Variants in CACNA1B observed in about 807,000 individuals in gnomAD.
The protein encoded by CACNA1B is voltage-dependent N-type calcium channel subunit alpha-1B.
A neutral mutation model predicts 247.2 loss-of-function variants in CACNA1B; 70 were observed. The ratio of observed to expected loss-of-function variants is 0.28; its 90% CI spans 0.23 to 0.35. The LOEUF (loss-of-function observed/expected upper bound fraction) is 0.35. Ranked by LOEUF, CACNA1B falls within the 10% of genes least tolerant of loss-of-function variation. CACNA1B has a pLI of 1.00. For synonymous variants in CACNA1B, 1,231 were observed against 1,294.4 expected, an observed-to-expected ratio of 0.95 and a Z score of 1.05; for missense variants, 2,367 against 3,197.4, an observed-to-expected ratio of 0.74 and a Z score of 6.26.
At chr9:137,960,528 C>CGG (rs2133351068) in intron 10 of CACNA1B, among the ~76,000 whole-genome samples, 1 of 132,588 alleles carries the variant, frequency 7.5e-6, no homozygotes, top group Non-Finnish European at 1.6e-5. Context: ...TGAGGGATGC[C>CGG]CAGGGGAGAG....
intron 36 of CACNA1B, among the ~76,000 whole-genome samples, chr9:138,085,667 C>T (rs558022256): frequency 2.0e-5 from 3 of 151,284 alleles, no homozygotes; most frequent in African/African-American, 7.3e-5. Context: ...ACAGAATCCC[C>T]CGTTAGACTG....
intron 20 of CACNA1B, among the ~76,000 whole-genome samples, chr9:138,030,815 C>T (rs1177479570): frequency 1.3e-5 from 2 of 152,078 alleles, no homozygotes; most frequent in Non-Finnish European, 2.9e-5. Flanking sequence ...GAATTAGTCC[C>T]TTTTATTTAA....
chr9:137,982,971 C>T (rs1958311655), intron 12 of CACNA1B, among the ~76,000 whole-genome samples: 1 of 152,192 alleles, frequency 6.6e-6, no homozygotes, highest in Admixed American at 6.5e-5. Context: ...AAATGGTGCA[C>T]AGCCATTCCC....
chr9:138,078,461 C>T (rs1373978585), intron 36 of CACNA1B, among the ~76,000 whole-genome samples: 3 of 152,248 alleles, frequency 2.0e-5, no homozygotes, highest in African/African-American at 7.2e-5. Context: ...CCTGTGGGCC[C>T]TTCCTTGACA....
Position 138,102,691 on chromosome 9 carries a change from T to C in CACNA1B, c.5223-20T>C. On this transcript the variant is annotated intron_variant, in intron 37 of 46. Transcript: ENST00000371372. This position sits in a 1 kb window ranked among gnomAD's most constrained non-coding sequence, Gnocchi z 5.4. Reference sequence around the variant, plus strand: ...TGGACCACCCCACTGTGCCCTGGCCTCGCTGGGACGGGTTTCCAGTGGGCG... The same window carrying C: ...TGGACCACCCCACTGTGCCCTGGCCCCGCTGGGACGGGTTTCCAGTGGGCG... 1 of 1,496,498 alleles carries C rather than the reference T, an allele frequency of 6.7e-7. No homozygotes were observed. The highest frequency in any genetic ancestry group is 1.4e-5 in the African/African-American group (1 of 71,466). 92.7% of individuals were successfully genotyped at this position (1,496,498 alleles called of 1,614,324 possible).
intron 8 of CACNA1B, 93 bp from the exon 9 acceptor site, chr9:137,956,678 G>C: frequency 1.1e-6 from 1 of 900,062 alleles, no homozygotes; most frequent in Non-Finnish European, 1.7e-6. Flanking sequence ...AAAGAGCTGA[G>C]AAGGCAGGGC....
At chr9:138,093,640 C>T (rs1960955738) in intron 36 of CACNA1B, among the ~76,000 whole-genome samples, 1 of 151,614 alleles carries the variant, frequency 6.6e-6, no homozygotes, top group Non-Finnish European at 1.5e-5. Flanking sequence ...ACTCAGGAGG[C>T]TAAGGCAGAG....
chr9:138,102,627 G>T lies in CACNA1B; in HGVS notation c.5223-84G>T. On this transcript the variant is annotated intron_variant, in intron 37 of 46. Transcript: ENST00000371372. The surrounding 1 kb of genome is among the most constrained non-coding windows in gnomAD (Gnocchi z 5.4). ...TCTGCTTCCTCCCTGCCCCTACCCC[G>T]CTCCCCTCCCCGCTCCCCTCCTGCT... The T allele has an allele frequency of 5.1e-6, 2 of 391,296 alleles. No individual in the cohort carries two copies. The highest frequency in any genetic ancestry group is 5.0e-6 in the Non-Finnish European group (1 of 199,816). 24.2% of individuals were successfully genotyped at this position (391,296 alleles called of 1,614,324 possible). A position where few individuals can be genotyped will look rare whatever the true frequency, so the allele number is the denominator to read the frequency against.
At chr9:137,916,873 G>A (rs913756880) in intron 5 of CACNA1B, among the ~76,000 whole-genome samples, 3 of 141,184 alleles carry the variant, frequency 2.1e-5, no homozygotes, top group Non-Finnish European at 3.2e-5. Context: ...AACGATCAGC[G>A]TGGCGGTTTG....
At chr9:138,028,102 C>T (rs1051227934) in intron 20 of CACNA1B, among the ~76,000 whole-genome samples, 8 of 137,048 alleles carry the variant, frequency 5.8e-5, no homozygotes, top group African/African-American at 1.1e-4. Context: ...GGCACGGTCT[C>T]GGCTCTGCCT....
At chr9:137,964,967 G>A (rs576223603) in intron 10 of CACNA1B, among the ~76,000 whole-genome samples, 7 of 152,324 alleles carry the variant, frequency 4.6e-5, no homozygotes, top group Admixed American at 2.0e-4. Flanking sequence ...GCAGTTTTCT[G>A]TGGGTCCACT....
intron 32 of CACNA1B, among the ~76,000 whole-genome samples, chr9:138,071,511 G>C (rs1432878518): frequency 6.6e-6 from 1 of 152,176 alleles, no homozygotes; most frequent in Admixed American, 6.5e-5. Flanking sequence ...GAACATCTGT[G>C]GCTGCCGTCA....
chr9:138,089,951 A>G (rs1960823090), intron 36 of CACNA1B, among the ~76,000 whole-genome samples: 1 of 152,228 alleles, frequency 6.6e-6, no homozygotes, highest in Admixed American at 6.5e-5. Context: ...ACTGAAGAGG[A>G]CACACAAAAA....
chr9:137,998,788 G>A (rs1323584865), intron 15 of CACNA1B, among the ~76,000 whole-genome samples: 5 of 152,184 alleles, frequency 3.3e-5, no homozygotes, highest in Non-Finnish European at 7.3e-5. Flanking sequence ...GAATTACAAG[G>A]AGAAATAAAA....
At chr9:138,038,430 C>G (rs535757250) in intron 20 of CACNA1B, among the ~76,000 whole-genome samples, 3 of 152,230 alleles carry the variant, frequency 2.0e-5, no homozygotes, top group Admixed American at 6.5e-5. Flanking sequence ...TCCACCCCCC[C>G]ACCCCTGTAC....
chr9:137,991,351 C>G (rs914084208), intron 15 of CACNA1B, among the ~76,000 whole-genome samples: 88 of 152,282 alleles, frequency 5.8e-4, no homozygotes, highest in African/African-American at 2.0e-3. Context: ...AAAGAAAAAG[C>G]TTTTGAATTA....
chr9:138,038,915 T>TGG lies in CACNA1B; in HGVS notation c.3287-4858_3287-4857dup, dbSNP rs549763535. Among the ~76,000 whole-genome samples, 1,477 of 152,318 alleles carry TGG rather than the reference T, an allele frequency of 9.7e-3. 12 individuals carry two copies. Among genetic ancestry groups the TGG allele is most frequent in the Non-Finnish European group, 0.016 (1,095 of 68,030 alleles). On this transcript the variant is annotated intron_variant, in intron 20 of 46. Transcript: ENST00000371372. The stretch of plus-strand genomic sequence containing the variant: ...AAAAGAGAAAAGTGGCTGGATGCAG[T>TGG]GGCTCACTCCTGTAATCCCAGCACT...
chr9:137,879,502 C>T (rs1026551042), intron 2 of CACNA1B, among the ~76,000 whole-genome samples: 11 of 152,186 alleles, frequency 7.2e-5, no homozygotes, highest in East Asian at 1.9e-4. Flanking sequence ...TTCATGTCTT[C>T]GGGAAGGTCA....
chr9:138,020,098 C>CAAA lies in CACNA1B; in HGVS notation c.2268-2894_2268-2892dup, dbSNP rs4066675. 3.8e-3 allele frequency among the ~76,000 whole-genome samples: 316 copies of CAAA among 83,786 alleles called. 1 individual carries two copies. Among genetic ancestry groups the CAAA allele is most frequent in the African/African-American group, 0.012 (302 of 25,780 alleles). The allele number at this position is 83,786 out of a possible 152,430, so 55.0% of individuals were successfully genotyped here. ...GGCGACACAGCGAGACTCTGTCTCC[C>CAAA]AAAAAAAAAAAAAAAAAAAAATGCA... On this transcript the variant is annotated intron_variant, in intron 18 of 46. Coordinates refer to ENST00000371372, the MANE Select transcript of CACNA1B (RefSeq NM_000718.4). This position sits in a 1 kb window ranked among gnomAD's most constrained non-coding sequence, Gnocchi z 4.1.
Sources: gnomAD v4.1 joint callset for allele counts (sites outside exome capture counted in the v4.1 genomes callset) on GRCh38, gnomAD v4.1.1 for gene constraint, Gnocchi (gnomAD v3.1) non-coding constraint, MANE v1.5 for transcripts, NCBI Gene and HGNC (gene_info 2026-07-23, HGNC 2026-07-21) for gene names.